Variants in ABHD14A observed in about 807,000 individuals in gnomAD.
The protein encoded by ABHD14A is abhydrolase domain containing 14A, also known as protein ABHD14A.
A neutral mutation model predicts 27.0 loss-of-function variants in ABHD14A; 19 were observed. The observed-to-expected ratio is 0.70, with a 90% CI of 0.49 to 1.03. The LOEUF (loss-of-function observed/expected upper bound fraction) is 1.03, where lower values mean the gene tolerates loss of function less well. ABHD14A is among the 50% of genes least tolerant of loss of function. The pLI is 0.00. For synonymous variants in ABHD14A, 148 were observed against 158.8 expected, an observed-to-expected ratio of 0.93 and a Z score of 0.51; for missense variants, 311 against 344.6, an observed-to-expected ratio of 0.90 and a Z score of 0.77.
chr3:51,976,897 T>G lies in ABHD14A; in HGVS notation c.70-974T>G, dbSNP rs140865230. 3.1e-3 allele frequency among the ~76,000 whole-genome samples: 465 copies of G among 152,306 alleles called. 1 individual carries two copies. Among genetic ancestry groups the G allele is most frequent in the Non-Finnish European group, 5.5e-3 (371 of 68,024 alleles). On this transcript the variant is annotated intron_variant, in intron 1 of 4. Transcript: ENST00000273596. ...GGCAGTCTCAAAGGCCTGTCCTGTTTGAGTCCTGGGTCCTAAGGGCTGTCC... is the reference window on the plus strand; with the variant it reads ...GGCAGTCTCAAAGGCCTGTCCTGTTGGAGTCCTGGGTCCTAAGGGCTGTCC...
Position 51,975,174 on chromosome 3 carries a change from CG to C in ABHD14A, c.43del (p.Ala15ProfsTer16), listed in dbSNP as rs1290394213. ...TGTGCGGCTGCTGGTTCCGCCTGGG[CG>C]GGGCCCGCCCGCTCATCCCGTTGGG... ...ALCGCWFRLGGARPLIPLGPT... is the reference protein window; with the variant it reads ...ALCGCWFRLGXARPLIPLGPT... On this transcript the variant is annotated frameshift_variant, in exon 1 of 5. Transcript: ENST00000273596. LOFTEE classifies it high-confidence loss of function. 2 of 1,278,226 alleles carry C rather than the reference CG, an allele frequency of 1.6e-6. No individual in the cohort carries two copies. Among genetic ancestry groups the C allele is most frequent in the South Asian group, 2.6e-5 (1 of 39,146 alleles). The allele number at this position is 1,278,226 out of a possible 1,614,324, so 79.2% of individuals were successfully genotyped here. A position where few individuals can be genotyped will look rare whatever the true frequency, so the allele number is the denominator to read the frequency against.
At position 51,975,131 on chromosome 3, in the gene ABHD14A, C is replaced by T. The variant is rs777233039; in HGVS notation, c.-5C>T. 6.2e-6 allele frequency: 8 copies of T among 1,292,520 alleles called. No individual in the cohort carries two copies. The highest frequency in any genetic ancestry group is 2.3e-5 in the South Asian group (1 of 43,628). 80.1% of individuals were successfully genotyped at this position (1,292,520 alleles called of 1,614,324 possible). A position where few individuals can be genotyped will look rare whatever the true frequency, so the allele number is the denominator to read the frequency against. On this transcript the variant is annotated 5_prime_UTR_variant, in exon 1 of 5. Coordinates refer to ENST00000273596, the MANE Select transcript of ABHD14A (RefSeq NM_015407.5). Reference sequence around the variant, plus strand: ...GGAGCGGCCCGCGGAGCTGCGGAGGCAGCCATGGTCGGGGCGCTGTGCGGC... The same window carrying T: ...GGAGCGGCCCGCGGAGCTGCGGAGGTAGCCATGGTCGGGGCGCTGTGCGGC...
At chr3:51,979,330 C>T (rs1402285651) in intron 3 of ABHD14A, among the ~76,000 whole-genome samples, 1 of 152,096 alleles carries the variant, frequency 6.6e-6, no homozygotes, top group Non-Finnish European at 1.5e-5. Context: ...CCTCTACTGG[C>T]GGAGTGCTCA....
chr3:51,975,283 C>G, intron 1 of ABHD14A, 79 bp downstream of exon 1: 1 of 1,204,280 alleles, frequency 8.3e-7, no homozygotes, highest in Middle Eastern at 3.2e-4. Context: ...CCCGGCGCCC[C>G]GGGGCAGAGT....
Position 51,980,577 on chromosome 3 carries a change from C to T in ABHD14A, c.582C>T (p.Ile194=), listed in dbSNP as rs369359084. The T allele has an allele frequency of 1.6e-4, 253 of 1,608,906 alleles. No homozygotes were observed. Among genetic ancestry groups the T allele is most frequent in the Non-Finnish European group, 2.1e-4 (245 of 1,177,968 alleles). The change falls in exon 4 of 5, where the codon ATC becomes ATT. Residue 194 remains isoleucine, a synonymous_variant. Transcript: ENST00000273596. ...ACCAGCTACATGGATTTGTGCCCAT[C>T]GCACCCACCTCCACCCAGAACTACA... ...GHHQLHGFVP[I]APTSTQNYTQ...
At chr3:51,976,757 C>T (rs1700796419) in intron 1 of ABHD14A, among the ~76,000 whole-genome samples, 1 of 152,194 alleles carries the variant, frequency 6.6e-6, no homozygotes, top group Non-Finnish European at 1.5e-5. Flanking sequence ...CAAGAAATGA[C>T]AGGGACAGCC....
intron 3 of ABHD14A, chr3:51,978,826 A>G: frequency 4.3e-6 from 1 of 230,518 alleles, no homozygotes; most frequent in Non-Finnish European, 9.4e-6. Context: ...TCCCGACCTC[A>G]GGTGATTCGC....
chr3:51,980,925 G>C lies in ABHD14A; in HGVS notation c.723G>C (p.Val241=), dbSNP rs374023483. The C allele has an allele frequency of 6.2e-7, 1 of 1,614,084 alleles. No homozygotes were observed. The highest frequency in any genetic ancestry group is 1.3e-5 in the African/African-American group (1 of 74,942). The change falls in exon 5 of 5, where the codon GTG becomes GTC. Residue 241 remains valine, a synonymous_variant. Transcript: ENST00000273596. ...RQLRHLPNHS[V]VKLRNAGHAC... Reference sequence around the variant, plus strand: ...TCCGCCACCTGCCCAACCACTCTGTGGTGAAGCTACGCAATGCAGGCCATG... The same window carrying C: ...TCCGCCACCTGCCCAACCACTCTGTCGTGAAGCTACGCAATGCAGGCCATG...
chr3:51,980,179 C>G, intron 3 of ABHD14A: 1 of 653,742 alleles, frequency 1.5e-6, no homozygotes, highest in South Asian at 1.5e-5. Context: ...GCCTCGGCCT[C>G]CCAAAGTGCT....
chr3:51,978,687 G>C (rs1352632272), intron 3 of ABHD14A: 1 of 270,242 alleles, frequency 3.7e-6, no homozygotes, highest in East Asian at 1.2e-4. Context: ...CGCCTCCCGG[G>C]TTCAAGCAAT....
intron 3 of ABHD14A, 138 bp downstream of exon 3, chr3:51,978,512 A>G (rs1169762285): frequency 1.3e-5 from 7 of 550,768 alleles, no homozygotes; most frequent in African/African-American, 3.8e-5. Context: ...ATTTTCTACT[A>G]TGAAAACTAC....
At chr3:51,975,874 G>A (rs144849941) in intron 1 of ABHD14A, among the ~76,000 whole-genome samples, 1 of 152,282 alleles carries the variant, frequency 6.6e-6, no homozygotes, top group African/African-American at 2.4e-5. Context: ...GGCAAGACTC[G>A]TATTTGTGCG....
In ABHD14A at chr3:51,978,080, CAGGT is replaced by C. The variant is rs1700826573; in HGVS notation, c.281+3_281+6del. On this transcript the variant is annotated splice_donor_variant and coding_sequence_variant, in exon 2 of 5. Transcript: ENST00000273596. LOFTEE classifies it high-confidence loss of function. ...AGGTGCTCCCACTCAACCAGGCACACAGGTAGGTGCTGCTCCAAGGGTCTAGTGG... is the reference window on the plus strand; with the variant it reads ...AGGTGCTCCCACTCAACCAGGCACACAGGTGCTGCTCCAAGGGTCTAGTGG... The C allele has an allele frequency of 6.2e-7, 1 of 1,613,078 alleles. No individual in the cohort carries two copies. The highest frequency in any genetic ancestry group is 8.5e-7 in the Non-Finnish European group (1 of 1,179,608).
chr3:51,977,719 G>A, intron 1 of ABHD14A, 152 bp from the exon 2 acceptor site: 1 of 726,168 alleles, frequency 1.4e-6, no homozygotes, highest in South Asian at 1.7e-5. Context: ...GTAGTTGAGT[G>A]TGAACTCCCA....
Position 51,975,208 on chromosome 3 carries a change from A to T in ABHD14A, c.69+4A>T. 7.9e-7 allele frequency: 1 copy of T among 1,259,492 alleles called. No individual in the cohort carries two copies. Among genetic ancestry groups the T allele is most frequent in the East Asian group, 3.1e-5 (1 of 31,772 alleles). 78.0% of individuals were successfully genotyped at this position (1,259,492 alleles called of 1,614,324 possible). A position where few individuals can be genotyped will look rare whatever the true frequency, so the allele number is the denominator to read the frequency against. On this transcript the variant is annotated splice_donor_region_variant and intron_variant, in intron 1 of 4. Transcript: ENST00000273596. ...CCCGCTCATCCCGTTGGGCCCGGTG[A>T]GTCTCCCGGGGGAGGGAGGCCGGCC...
In ABHD14A at chr3:51,978,087, G is replaced by A. The variant is rs770595636; in HGVS notation, c.281+5G>A. 1.9e-6 allele frequency: 3 copies of A among 1,612,480 alleles called. No homozygotes were observed. The highest frequency in any genetic ancestry group is 2.5e-6 in the Non-Finnish European group (3 of 1,179,348). The stretch of plus-strand genomic sequence containing the variant: ...CCCACTCAACCAGGCACACAGGTAG[G>A]TGCTGCTCCAAGGGTCTAGTGGAGG... On this transcript the variant is annotated splice_donor_5th_base_variant and intron_variant, in intron 2 of 4. Coordinates refer to ENST00000273596, the MANE Select transcript of ABHD14A (RefSeq NM_015407.5).
chr3:51,975,681 A>G (rs1400078313), intron 1 of ABHD14A, among the ~76,000 whole-genome samples: 1 of 151,704 alleles, frequency 6.6e-6, no homozygotes, highest in African/African-American at 2.4e-5. Flanking sequence ...AGTATTTCTG[A>G]GGATCAGCCT....
chr3:51,980,315 T>C (rs1482662989), intron 3 of ABHD14A, 78 bp from the exon 4 acceptor site: 2 of 1,406,210 alleles, frequency 1.4e-6, no homozygotes, highest in Non-Finnish European at 2.0e-6. Context: ...GTCCCCAACT[T>C]TTTCCCCCAC....
chr3:51,978,468 C>A, intron 3 of ABHD14A, 94 bp downstream of exon 3: 2 of 804,826 alleles, frequency 2.5e-6, no homozygotes, highest in Non-Finnish European at 3.9e-6. Context: ...CAGGTCACAA[C>A]ATAAGGTGGC....
Sources: allele counts gnomAD v4.1 joint callset (sites outside exome capture counted in the v4.1 genomes callset), GRCh38; gene constraint gnomAD v4.1.1; transcripts MANE v1.5; gene names NCBI Gene and HGNC (gene_info 2026-07-23, HGNC 2026-07-21).